The following TRAPPC9 variants were observed in gnomAD, a reference collection of about 807,000 sequenced individuals.
TRAPPC9 encodes the protein trafficking protein particle complex subunit 9, also known as IKK2 binding protein.
In TRAPPC9, 83 loss-of-function variants were observed where a neutral mutation model predicts 124.0. The ratio of observed to expected loss-of-function variants is 0.67; its 90% confidence interval spans 0.56 to 0.80. The LOEUF is 0.80. Ranked by LOEUF, TRAPPC9 falls within the 30% of genes least tolerant of loss-of-function variation. The pLI, the probability that TRAPPC9 is intolerant of heterozygous loss-of-function variation, is 0.00. For synonymous variants in TRAPPC9, 638 were observed against 617.5 expected (o/e 1.03, Z -0.49); for missense variants, 1,302 against 1,508.3 (o/e 0.86, Z 2.27).
At chr8:140,018,455 C>A (rs1839625122) in intron 18 of TRAPPC9, among the ~76,000 whole-genome samples, 1 of 151,590 alleles carries the variant, frequency 6.6e-6, no homozygotes, top group Admixed American at 6.6e-5. Flanking sequence ...TCCCAAGTGG[C>A]TGGGACTACA....
chr8:139,790,313 T>C (rs1164124563), intron 21 of TRAPPC9, among the ~76,000 whole-genome samples: 2 of 152,220 alleles, frequency 1.3e-5, no homozygotes, highest in African/African-American at 4.8e-5. Flanking sequence ...CATTCAGAAG[T>C]TCCGAGCCCA....
chr8:140,402,754 T>C (rs1427946584), intron 6 of TRAPPC9, among the ~76,000 whole-genome samples: 1 of 150,110 alleles, frequency 6.7e-6, no homozygotes, highest in African/African-American at 2.4e-5. Context: ...ACTACTAAAA[T>C]AGATAAAATA....
intron 17 of TRAPPC9, among the ~76,000 whole-genome samples, chr8:140,027,233 G>C (rs1042156227): frequency 6.6e-5 from 10 of 152,200 alleles, no homozygotes; most frequent in African/African-American, 2.4e-4. Flanking sequence ...TAAATGCTGA[G>C]TGAGGCAATG....
intron 17 of TRAPPC9, among the ~76,000 whole-genome samples, chr8:140,178,533 T>C (rs1413494841): frequency 6.6e-6 from 1 of 152,116 alleles, no homozygotes; most frequent in African/African-American, 2.4e-5. Context: ...GGATTCCATT[T>C]GCTAATTTTT....
At chr8:140,074,475 C>T (rs1843376006) in intron 17 of TRAPPC9, among the ~76,000 whole-genome samples, 1 of 152,220 alleles carries the variant, frequency 6.6e-6, no homozygotes, top group African/African-American at 2.4e-5. Context: ...ATCTGCTTCC[C>T]GTCCACCAGG....
At chr8:140,395,794 C>G (rs1292860821) in intron 7 of TRAPPC9, among the ~76,000 whole-genome samples, 1 of 151,962 alleles carries the variant, frequency 6.6e-6, no homozygotes, top group Non-Finnish European at 1.5e-5. Context: ...CCTGAGCCCC[C>G]AGACCCACAC....
At chr8:140,054,889 T>C (rs1385551499) in intron 17 of TRAPPC9, among the ~76,000 whole-genome samples, 3 of 151,922 alleles carry the variant, frequency 2.0e-5, no homozygotes, top group East Asian at 3.9e-4. Context: ...ACTAGTAAGA[T>C]GACGGAATTA....
rs140004555 is a variant in TRAPPC9 at position 139,829,196 on chromosome 8, C to T, written c.3055+56683G>A. Among the ~76,000 whole-genome samples, 33 of 152,378 alleles carry T rather than the reference C, an allele frequency of 2.2e-4. No homozygotes were observed. The East Asian group carries it at 6.2e-3, about 29-fold the overall frequency. On this transcript the variant is annotated intron_variant, in intron 21 of 22. Coordinates refer to ENST00000438773, the MANE Select transcript of TRAPPC9 (RefSeq NM_001160372.4). Reference sequence around the variant, plus strand: ...GAGAATGTGTAAATGTACGGAGACGCCCTTCCGGAGGGTATAAAGTCTTTG... The same window carrying T: ...GAGAATGTGTAAATGTACGGAGACGTCCTTCCGGAGGGTATAAAGTCTTTG...
intron 7 of TRAPPC9, among the ~76,000 whole-genome samples, chr8:140,394,878 A>G (rs1351683759): frequency 2.0e-5 from 3 of 152,188 alleles, no homozygotes; most frequent in Admixed American, 6.5e-5. Context: ...CACTTAGAGC[A>G]TCAGGCTCCG....
At chr8:139,780,355 CAG>C (rs767804725) in intron 21 of TRAPPC9, among the ~76,000 whole-genome samples, 1 of 152,088 alleles carries the variant, frequency 6.6e-6, no homozygotes, top group Non-Finnish European at 1.5e-5. Context: ...GGGAACAGAA[CAG>C]AGAGTTCAGA....
At chr8:139,731,683 G>T (rs1157352106) in intron 22 of TRAPPC9, among the ~76,000 whole-genome samples, 1 of 152,106 alleles carries the variant, frequency 6.6e-6, no homozygotes, top group Non-Finnish European at 1.5e-5. Context: ...TGATGCCACA[G>T]CAGGGTCCAA....
At chr8:140,313,355 C>T (rs2066353560) in intron 9 of TRAPPC9, among the ~76,000 whole-genome samples, 1 of 152,158 alleles carries the variant, frequency 6.6e-6, no homozygotes, top group Admixed American at 6.5e-5. Context: ...GTGCCTCATG[C>T]CACTTGCACC....
chr8:140,377,622 T>C (rs1292242618), intron 7 of TRAPPC9, among the ~76,000 whole-genome samples: 2 of 152,082 alleles, frequency 1.3e-5, no homozygotes, highest in East Asian at 1.9e-4. Flanking sequence ...AAGTCTGTTC[T>C]CCATAAAATC....
At chr8:139,909,916 G>A (rs574814216) in intron 20 of TRAPPC9, among the ~76,000 whole-genome samples, 15 of 152,292 alleles carry the variant, frequency 9.8e-5, no homozygotes, top group East Asian at 1.9e-4. Context: ...GAGCACCACC[G>A]GCTCCGAGAA....
intron 11 of TRAPPC9, among the ~76,000 whole-genome samples, chr8:140,297,349 GAC>G (rs1554663384): frequency 6.6e-6 from 1 of 151,544 alleles, no homozygotes; most frequent in Non-Finnish European, 1.5e-5. Flanking sequence ...CACATGCATA[GAC>G]ACACACACAT....
At chr8:139,894,367 T>TG (rs373612589) in intron 20 of TRAPPC9, among the ~76,000 whole-genome samples, 3 of 152,016 alleles carry the variant, frequency 2.0e-5, no homozygotes, top group African/African-American at 2.4e-5. Flanking sequence ...TGGGTGATCC[T>TG]GGGGGGGTGC....
At chr8:140,415,211 A>G (rs1333013852) in intron 5 of TRAPPC9, among the ~76,000 whole-genome samples, 2 of 152,006 alleles carry the variant, frequency 1.3e-5, no homozygotes, top group African/African-American at 4.8e-5. Context: ...CTTGTCTAAA[A>G]ATAAGAAGAA....
At chr8:139,795,584 GAAGTC>G (rs1822997476) in intron 21 of TRAPPC9, among the ~76,000 whole-genome samples, 1 of 152,156 alleles carries the variant, frequency 6.6e-6, no homozygotes, top group African/African-American at 2.4e-5. Context: ...GGGGAGAAGT[GAAGTC>G]ATCAGTAAGC....
chr8:140,077,627 C>CGATGT (rs1191412395), intron 17 of TRAPPC9, among the ~76,000 whole-genome samples: 1 of 151,826 alleles, frequency 6.6e-6, no homozygotes, highest in Non-Finnish European at 1.5e-5. Context: ...AGTGGCTGGT[C>CGATGT]GATGTGATGT....
Sources: gnomAD v4.1 joint callset for allele counts (sites outside exome capture counted in the v4.1 genomes callset) on GRCh38, gnomAD v4.1.1 for gene constraint, MANE v1.5 for transcripts, NCBI Gene and HGNC (gene_info 2026-07-23, HGNC 2026-07-21) for gene names.